MAP3K19: variants seen among roughly 807,000 people sequenced by gnomAD.
MAP3K19 encodes mitogen-activated protein kinase kinase kinase 19.
In MAP3K19, 91 loss-of-function variants were observed where a neutral mutation model predicts 114.4. That is an observed-to-expected ratio of 0.80 (90% CI 0.67 to 0.95). The LOEUF is 0.95. Ranked by LOEUF, MAP3K19 falls within the 40% of genes least tolerant of loss-of-function variation. MAP3K19 has a pLI of 0.00. For missense variants in MAP3K19, 1,471 were observed against 1,573.2 expected (o/e 0.94, Z 1.10); for synonymous variants, 518 against 530.5 (o/e 0.98, Z 0.32).
intron 3 of MAP3K19, among the ~76,000 whole-genome samples, chr2:135,026,695 A>AT (rs1350499618): frequency 1.3e-5 from 2 of 152,248 alleles, no homozygotes; most frequent in Non-Finnish European, 2.9e-5. Flanking sequence ...AGCATTTGAC[A>AT]TATAGTAATT....
intron 12 of MAP3K19, among the ~76,000 whole-genome samples, chr2:134,977,789 G>A (rs1052902335): frequency 2.0e-5 from 3 of 152,052 alleles, no homozygotes; most frequent in East Asian, 1.9e-4. Flanking sequence ...GGACCACTGC[G>A]CCTGGCCCAT....
At chr2:134,980,690 G>T in intron 12 of MAP3K19, 131 bp downstream of exon 12, 1 of 771,824 alleles carries the variant, frequency 1.3e-6, no homozygotes, top group Non-Finnish European at 2.1e-6. Context: ...ATTACTTTCG[G>T]CACAAAATCA....
At chr2:135,011,674 T>TTTGC in intron 5 of MAP3K19, among the ~76,000 whole-genome samples, 1 of 151,952 alleles carries the variant, frequency 6.6e-6, no homozygotes, top group East Asian at 1.9e-4. Flanking sequence ...ATGTTGTTTG[T>TTTGC]TTGTTTGTTT....
chr2:134,974,516 C>T (rs1395640065), intron 12 of MAP3K19, among the ~76,000 whole-genome samples: 1 of 152,176 alleles, frequency 6.6e-6, no homozygotes, highest in Non-Finnish European at 1.5e-5. Context: ...GATCTCTTAG[C>T]TTCCTGTATC....
intron 5 of MAP3K19, among the ~76,000 whole-genome samples, chr2:135,012,949 T>C (rs936552472): frequency 1.3e-5 from 1 of 79,124 alleles, no homozygotes; most frequent in African/African-American, 8.2e-5. Flanking sequence ...AAACCCTTGT[T>C]TGTTTGTTTG....
At position 135,033,568 on chromosome 2, in the gene MAP3K19, C is replaced by A. The variant is rs1269979733; in HGVS notation, c.-283-3068G>T. Reference sequence around the variant, plus strand: ...CCTCCCGGACGGGGCGGCTGGCGGGCGGGGGGCTGACCCCCCCACCGCCCT... The same window carrying A: ...CCTCCCGGACGGGGCGGCTGGCGGGAGGGGGGCTGACCCCCCCACCGCCCT... On this transcript the variant is annotated intron_variant, in intron 2 of 12. Coordinates refer to ENST00000392915, the MANE Select transcript of MAP3K19 (RefSeq NM_025052.5). Among the ~76,000 whole-genome samples the A allele has an allele frequency of 2.7e-4, 17 of 63,466 alleles. 1 individual carries two copies. The highest frequency in any genetic ancestry group is 4.0e-4 in the Non-Finnish European group (15 of 37,072). 41.6% of individuals were successfully genotyped at this position (63,466 alleles called of 152,430 possible).
intron 5 of MAP3K19, among the ~76,000 whole-genome samples, chr2:135,012,647 T>G (rs1687309455): frequency 6.6e-6 from 1 of 152,112 alleles, no homozygotes; most frequent in African/African-American, 2.4e-5. Flanking sequence ...ACTTCCAAAC[T>G]TTTAGCTGTT....
chr2:134,989,688 T>C (rs1226893640), intron 9 of MAP3K19, among the ~76,000 whole-genome samples: 1 of 152,206 alleles, frequency 6.6e-6, no homozygotes, highest in East Asian at 1.9e-4. Flanking sequence ...TGCAAATATC[T>C]TTCCAAAAAC....
intron 9 of MAP3K19, among the ~76,000 whole-genome samples, chr2:134,991,000 C>T (rs1685527756): frequency 1.3e-5 from 2 of 151,974 alleles, no homozygotes; most frequent in African/African-American, 2.4e-5. Context: ...TCAAGACCAA[C>T]GTGGCCAACA....
At chr2:135,028,681 A>T (rs1688310654) in intron 3 of MAP3K19, among the ~76,000 whole-genome samples, 1 of 152,224 alleles carries the variant, frequency 6.6e-6, no homozygotes, top group Admixed American at 6.5e-5. Context: ...TGGATAATTC[A>T]AAACTGAAAA....
rs1279547585 is a variant in MAP3K19, at chr2:135,034,870, A to G, written c.-283-4370T>C. 5.7e-5 allele frequency among the ~76,000 whole-genome samples: 7 copies of G among 122,208 alleles called. No homozygotes were observed. In the East Asian group the frequency reaches 1.9e-3, roughly 33 times the overall value. 80.2% of individuals were successfully genotyped at this position (122,208 alleles called of 152,430 possible). On this transcript the variant is annotated intron_variant, in intron 2 of 12. Coordinates refer to ENST00000392915, the MANE Select transcript of MAP3K19 (RefSeq NM_025052.5). Reference sequence around the variant, plus strand: ...GGGGGAGGGGGAGGGGGAGAGGGAGAGGGAGAGGGAGAGCCAAACCCTATT... The same window carrying G: ...GGGGGAGGGGGAGGGGGAGAGGGAGGGGGAGAGGGAGAGCCAAACCCTATT...
At chr2:135,001,980 T>C (rs1436128003) in intron 6 of MAP3K19, among the ~76,000 whole-genome samples, 1 of 152,240 alleles carries the variant, frequency 6.6e-6, no homozygotes, top group Admixed American at 6.5e-5. Flanking sequence ...ATATTGATTC[T>C]GAAATCCACT....
At position 134,986,864 on chromosome 2, in the gene MAP3K19, CA is replaced by C; in HGVS notation, c.2007del (p.Val670PhefsTer54). On this transcript the variant is annotated frameshift_variant, in exon 10 of 13. Transcript: ENST00000392915. LOFTEE classifies it high-confidence loss of function. ...TCAGTCTCTCGCACATGACAATAAA[CA>C]GGGGTCCCAAACATTTCATAGATTC... ...GPGIYEMFGT[P>X]VYCHVRETER... The C allele has an allele frequency of 6.2e-7, 1 of 1,614,148 alleles. No individual in the cohort carries two copies. Among genetic ancestry groups the C allele is most frequent in the Non-Finnish European group, 8.5e-7 (1 of 1,180,030 alleles).
At chr2:134,984,362 CAT>C (rs1684938141) in intron 10 of MAP3K19, among the ~76,000 whole-genome samples, 1 of 152,106 alleles carries the variant, frequency 6.6e-6, no homozygotes, top group Non-Finnish European at 1.5e-5. Context: ...CACACATAAA[CAT>C]AAATATATAT....
Position 134,973,644 on chromosome 2 carries a change from G to T in MAP3K19, c.3920+7177C>A, listed in dbSNP as rs187477022. ...TCATTTTGTTGATTGTTTTCTGGTTGGTTTGTTTGTTTGTTTGTTTGTTTC... is the reference window on the plus strand; with the variant it reads ...TCATTTTGTTGATTGTTTTCTGGTTTGTTTGTTTGTTTGTTTGTTTGTTTC... On this transcript the variant is annotated intron_variant, in intron 12 of 12. Coordinates refer to ENST00000392915, the MANE Select transcript of MAP3K19 (RefSeq NM_025052.5). Among the ~76,000 whole-genome samples the T allele has an allele frequency of 3.5e-3, 531 of 151,638 alleles. 3 individuals carry two copies. Among genetic ancestry groups the T allele is most frequent in the Admixed American group, 4.0e-3 (61 of 15,258 alleles).
intron 9 of MAP3K19, among the ~76,000 whole-genome samples, chr2:134,989,481 A>G (rs1256122701): frequency 5.3e-5 from 8 of 152,332 alleles, no homozygotes; most frequent in Admixed American, 5.2e-4. Context: ...TACTGTCTAG[A>G]TGATTTTCCT....
intron 3 of MAP3K19, among the ~76,000 whole-genome samples, chr2:135,028,577 T>TA (rs1383349735): frequency 6.6e-6 from 1 of 150,508 alleles, no homozygotes; most frequent in Non-Finnish European, 1.5e-5. Context: ...AAAAAAAATT[T>TA]AAAAAAAACA....
rs143158213 is a variant in MAP3K19, at chr2:134,987,923, T to C, written c.949A>G (p.Asn317Asp). The part of the protein sequence containing the change: ...NWKSKEIEEC[N>D]KIEITHFEKG... Reference sequence around the variant, plus strand: ...TCAAAGTGAGTGATTTCAATTTTGTTACATTCTTCTATTTCCTTGGATTTC... The same window carrying C: ...TCAAAGTGAGTGATTTCAATTTTGTCACATTCTTCTATTTCCTTGGATTTC... The change falls in exon 10 of 13, where the codon AAC becomes GAC. Residue 317 changes from asparagine (N) to aspartate (D), a missense_variant. Physicochemically the swap from Asn to Asp is conservative, Grantham distance 23. Coordinates refer to ENST00000392915, the MANE Select transcript of MAP3K19 (RefSeq NM_025052.5). 1.9e-5 allele frequency: 31 copies of C among 1,614,238 alleles called. No homozygotes were observed. In the African/African-American group the frequency reaches 2.1e-4, roughly 11 times the overall value.
At chr2:135,017,516 C>G (rs1207679054) in intron 5 of MAP3K19, among the ~76,000 whole-genome samples, 1 of 152,120 alleles carries the variant, frequency 6.6e-6, no homozygotes, top group Non-Finnish European at 1.5e-5. Context: ...ACCAAATCTT[C>G]CTGCCTTCTG....
Sources: gnomAD v4.1 joint callset for allele counts (sites outside exome capture counted in the v4.1 genomes callset) on GRCh38, gnomAD v4.1.1 for gene constraint, MANE v1.5 for transcripts, NCBI Gene and HGNC (gene_info 2026-07-23, HGNC 2026-07-21) for gene names.